TRIM33: variants seen among roughly 807,000 people sequenced by gnomAD.
TRIM33 encodes the protein tripartite motif containing 33.
TRIM33 carries 20 observed loss-of-function variants against 125.4 expected under a neutral mutation model. The observed-to-expected ratio is 0.16, with a 90% CI of 0.11 to 0.23. The LOEUF (loss-of-function observed/expected upper bound fraction) is 0.23, where lower values mean the gene tolerates loss of function less well. Ranked by LOEUF, TRIM33 falls within the 10% of genes least tolerant of loss-of-function variation. TRIM33 has a pLI of 1.00. For missense variants in TRIM33, 920 were observed against 1,411.4 expected, an observed-to-expected ratio of 0.65 and a Z score of 5.58; for synonymous variants, 564 against 513.9, an observed-to-expected ratio of 1.10 and a Z score of -1.32.
At chr1:114,406,662 T>C (rs907882337) in intron 14 of TRIM33, among the ~76,000 whole-genome samples, 3 of 152,174 alleles carry the variant, frequency 2.0e-5, no homozygotes, top group African/African-American at 7.2e-5. Flanking sequence ...CAGGACAAGA[T>C]ACAATCTGAT....
chr1:114,416,948 G>C (rs1458057258), intron 11 of TRIM33, among the ~76,000 whole-genome samples: 1 of 152,124 alleles, frequency 6.6e-6, no homozygotes, highest in African/African-American at 2.4e-5. Flanking sequence ...GTAAATGAAA[G>C]CTCACAGCAG....
At chr1:114,451,476 G>A (rs1572069870) in intron 4 of TRIM33, among the ~76,000 whole-genome samples, 1 of 151,040 alleles carries the variant, frequency 6.6e-6, no homozygotes, top group Admixed American at 6.6e-5. Flanking sequence ...AATGTGAATA[G>A]AATTTTTGGA....
rs1647514930 is a variant in TRIM33, at chr1:114,425,620, C to T, written c.1524G>A (p.Gln508=). 3 of 1,614,152 alleles carry T rather than the reference C, an allele frequency of 1.9e-6. No homozygotes were observed. The highest frequency in any genetic ancestry group is 2.5e-6 in the Non-Finnish European group (3 of 1,180,030). ...GGAGTCGAAGCTGTGCTAAGTTAATCTGTCCAGGGGTTTTACTAATGTGGT... is the reference window on the plus strand; with the variant it reads ...GGAGTCGAAGCTGTGCTAAGTTAATTTGTCCAGGGGTTTTACTAATGTGGT... ...GTNHISKTPG[Q]INLAQLRLQH... The change falls in exon 9 of 20, where the codon CAG becomes CAA. Residue 508 remains glutamine, a synonymous_variant. Coordinates refer to ENST00000358465, the MANE Select transcript of TRIM33 (RefSeq NM_015906.4).
At chr1:114,422,579 A>G (rs1647271055) in intron 10 of TRIM33, among the ~76,000 whole-genome samples, 1 of 151,806 alleles carries the variant, frequency 6.6e-6, no homozygotes, top group Non-Finnish European at 1.5e-5. Context: ...CCCTTCCTCC[A>G]TCCTTGACAA....
intron 1 of TRIM33, among the ~76,000 whole-genome samples, chr1:114,501,699 A>G (rs753022937): frequency 2.0e-5 from 3 of 152,208 alleles, no homozygotes; most frequent in African/African-American, 7.2e-5. Context: ...TACATCATCA[A>G]CAAAGGATCA....
In TRIM33 at chr1:114,510,578, C is replaced by G; in HGVS notation, c.499G>C (p.Gly167Arg). 6.6e-7 allele frequency: 1 copy of G among 1,526,030 alleles called. No individual in the cohort carries two copies. Among genetic ancestry groups the G allele is most frequent in the South Asian group, 1.2e-5 (1 of 82,480 alleles). The allele number at this position is 1,526,030 out of a possible 1,614,324, so 94.5% of individuals were successfully genotyped here. A position where few individuals can be genotyped will look rare whatever the true frequency, so the allele number is the denominator to read the frequency against. Reference sequence around the variant, plus strand: ...TGCTGGATGTCGCCGTTGCTGCCCCCCGGGATGGGCACGCTGAGCTGGCGC... The same window carrying G: ...TGCTGGATGTCGCCGTTGCTGCCCCGCGGGATGGGCACGCTGAGCTGGCGC... ...PERQLSVPIP[G>R]GSNGDIQQVG... Residue 167 changes from glycine to arginine, a missense_variant, in exon 1 of 20, where the codon GGG (glycine) becomes CGG (arginine). By Grantham distance (125) the Gly-to-Arg change is moderately radical (BLOSUM62 -2). Transcript: ENST00000358465.
In TRIM33 at chr1:114,405,635, C is replaced by T; in HGVS notation, c.2543G>A (p.Ser848Asn). 1 of 1,614,174 alleles carries T rather than the reference C, an allele frequency of 6.2e-7. No individual in the cohort carries two copies. Among genetic ancestry groups the T allele is most frequent in the East Asian group, 2.2e-5 (1 of 44,880 alleles). ...VKIEPADMNE[S>N]CKQSGLSSLV... ...GCTGCTGAGCCCTGACTGTTTGCAGCTTTCATTCATATCTGCAGGTTCAAT... is the reference window on the plus strand; with the variant it reads ...GCTGCTGAGCCCTGACTGTTTGCAGTTTTCATTCATATCTGCAGGTTCAAT... Residue 848 changes from serine (S) to asparagine (N), a missense_variant, in exon 15 of 20, where the codon AGC becomes AAC. Around this residue, in one of 8 missense-constraint regions of TRIM33, gnomAD observed 407 missense variants for 589.7 expected, o/e 0.69. Transcript: ENST00000358465.
At chr1:114,450,272 T>C (rs183581616) in intron 4 of TRIM33, among the ~76,000 whole-genome samples, 2 of 152,258 alleles carry the variant, frequency 1.3e-5, no homozygotes, top group Admixed American at 1.3e-4. Flanking sequence ...AAAAAGAGAA[T>C]ACTAGATTGA....
intron 1 of TRIM33, among the ~76,000 whole-genome samples, chr1:114,485,875 T>A (rs1271200665): frequency 1.3e-5 from 2 of 152,192 alleles, no homozygotes; most frequent in African/African-American, 2.4e-5. Context: ...AGGAAAATCA[T>A]AACTGACAAA....
Position 114,398,007 on chromosome 1 carries a change from AGT to A in TRIM33, c.3121-19_3121-18del. On this transcript the variant is annotated intron_variant, in intron 18 of 19. Transcript: ENST00000358465. Reference sequence around the variant, plus strand: ...TTTCATCATCTAAAAAGGATACCAGAGTCAAAAAAAAAAAAGGGAAATTATAA... The same window carrying A: ...TTTCATCATCTAAAAAGGATACCAGACAAAAAAAAAAAAGGGAAATTATAA... The A allele has an allele frequency of 6.6e-7, 1 of 1,506,618 alleles. No homozygotes were observed. Among genetic ancestry groups the A allele is most frequent in the African/African-American group, 2.2e-5 (1 of 44,844 alleles). 93.3% of individuals were successfully genotyped at this position (1,506,618 alleles called of 1,614,324 possible). A position where few individuals can be genotyped will look rare whatever the true frequency, so the allele number is the denominator to read the frequency against.
chr1:114,456,207 G>C (rs1421131758), intron 4 of TRIM33, among the ~76,000 whole-genome samples: 1 of 152,192 alleles, frequency 6.6e-6, no homozygotes, highest in East Asian at 1.9e-4. Context: ...AAGCACGTAA[G>C]TTCACCTTGA....
chr1:114,502,820 C>T (rs959413462), intron 1 of TRIM33, among the ~76,000 whole-genome samples: 3 of 152,032 alleles, frequency 2.0e-5, no homozygotes, highest in African/African-American at 7.3e-5. Context: ...CAGGTTTAAA[C>T]AACACTTTTA....
rs1476721684 is a variant in TRIM33 at position 114,402,883 on chromosome 1, A to G, written c.2769T>C (p.Ser923=). ...CHVPTLLSFP[S]GDWICTFCRD... ...TACAAAATGTGCATATCCAGTCCCC[A>G]CTAGACAGGGAAATAGGCAATTAGT... The change falls in exon 16 of 20, where the codon AGT becomes AGC. Residue 923 remains serine, a splice_region_variant and synonymous_variant. Transcript: ENST00000358465. 2 of 1,610,946 alleles carry G rather than the reference A, an allele frequency of 1.2e-6. No individual in the cohort carries two copies. The highest frequency in any genetic ancestry group is 2.7e-5 in the African/African-American group (2 of 74,798).
At chr1:114,432,910 T>C (rs762787490) in intron 5 of TRIM33, among the ~76,000 whole-genome samples, 54 of 152,218 alleles carry the variant, frequency 3.5e-4, no homozygotes, top group Non-Finnish European at 3.7e-4. Context: ...TTAATATTCA[T>C]TAGAAGTCCT....
intron 1 of TRIM33, among the ~76,000 whole-genome samples, chr1:114,499,980 A>G (rs1428880878): frequency 2.6e-5 from 4 of 152,186 alleles, no homozygotes; most frequent in African/African-American, 9.7e-5. Context: ...CAGCCTGGCC[A>G]ACATGGTGAA....
At chr1:114,488,894 T>C (rs1651882278) in intron 1 of TRIM33, among the ~76,000 whole-genome samples, 1 of 152,140 alleles carries the variant, frequency 6.6e-6, no homozygotes, top group Admixed American at 6.5e-5. Context: ...GGGTGTGGTG[T>C]AGCCACACAT....
At chr1:114,458,520 A>T (rs114990521) in intron 4 of TRIM33, among the ~76,000 whole-genome samples, 155 of 152,230 alleles carry the variant, frequency 1.0e-3, no homozygotes, top group African/African-American at 3.4e-3. Context: ...GACAGTTTTG[A>T]CACCTCTATG....
In TRIM33 at chr1:114,394,201, A is replaced by C. The variant is rs754316287; in HGVS notation, c.*3447T>G. On this transcript the variant is annotated 3_prime_UTR_variant, in exon 20 of 20. Coordinates refer to ENST00000358465, the MANE Select transcript of TRIM33 (RefSeq NM_015906.4). ...AAAACTACTCACTGATCCGATGCTG[A>C]GTATGCAAATAAGCAGTGCTGATTT... The C allele has an allele frequency of 1.7e-5, 4 of 229,392 alleles. No individual in the cohort carries two copies. The highest frequency in any genetic ancestry group is 3.5e-5 in the Non-Finnish European group (4 of 115,432). 14.2% of individuals were successfully genotyped at this position (229,392 alleles called of 1,614,324 possible). A position where few individuals can be genotyped will look rare whatever the true frequency, so the allele number is the denominator to read the frequency against.
At chr1:114,446,176 G>C (rs1557870358) in intron 4 of TRIM33, among the ~76,000 whole-genome samples, 1 of 152,152 alleles carries the variant, frequency 6.6e-6, no homozygotes, top group Non-Finnish European at 1.5e-5. Context: ...ATTTTCATAT[G>C]ACAAGAAGAT....
Sources: gnomAD v4.1 joint callset for allele counts (sites outside exome capture counted in the v4.1 genomes callset) on GRCh38, gnomAD v4.1.1 for gene constraint, gnomAD v4.1.1 regional missense constraint, MANE v1.5 for transcripts, NCBI Gene and HGNC (gene_info 2026-07-23, HGNC 2026-07-21) for gene names.